Variants in FAM78B observed in about 807,000 individuals in gnomAD.
FAM78B encodes the protein family with sequence similarity 78 member B.
In FAM78B, 10 loss-of-function variants were observed where a neutral mutation model predicts 20.0. That is an observed-to-expected ratio of 0.50 (90% CI 0.31 to 0.85). FAM78B has a LOEUF of 0.85. Ranked by LOEUF, FAM78B falls within the 40% of genes least tolerant of loss-of-function variation. FAM78B has a pLI of 0.05. For missense variants in FAM78B, 283 were observed against 345.0 expected, an observed-to-expected ratio of 0.82 and a Z score of 1.42; for synonymous variants, 135 against 132.8, an observed-to-expected ratio of 1.02 and a Z score of -0.12.
intron 1 of FAM78B, among the ~76,000 whole-genome samples, chr1:166,156,451 A>T (rs1393010153): frequency 5.3e-5 from 8 of 152,284 alleles, no homozygotes; most frequent in Admixed American, 4.6e-4. Context: ...CTCAGTATGG[A>T]GGGCACTGGG....
intron 1 of FAM78B, among the ~76,000 whole-genome samples, chr1:166,134,168 CT>C (rs904850037): frequency 3.3e-5 from 5 of 152,312 alleles, no homozygotes; most frequent in African/African-American, 1.2e-4. Flanking sequence ...CTACTTTATC[CT>C]TTTTGGAAAA....
chr1:166,109,498 A>G (rs950117524), intron 1 of FAM78B, among the ~76,000 whole-genome samples: 2 of 152,018 alleles, frequency 1.3e-5, no homozygotes, highest in Admixed American at 1.3e-4. Flanking sequence ...TAAATGAAAA[A>G]TCAAAAAACA....
At chr1:166,117,376 T>A (rs973045805) in intron 1 of FAM78B, among the ~76,000 whole-genome samples, 2 of 152,188 alleles carry the variant, frequency 1.3e-5, no homozygotes, top group Non-Finnish European at 2.9e-5. Context: ...TATTATTATT[T>A]TTTTTTGTAA....
intron 1 of FAM78B, among the ~76,000 whole-genome samples, chr1:166,077,866 ATATATAAT>A (rs1480601070): frequency 8.7e-5 from 2 of 23,080 alleles, no homozygotes; most frequent in African/African-American, 1.9e-4. Context: ...TATAATTTAT[ATATATAAT>A]TATATATATA....
At chr1:166,094,003 C>CTGTGTGTG (rs58213930) in intron 1 of FAM78B, among the ~76,000 whole-genome samples, 1,280 of 125,492 alleles carry the variant, frequency 0.01, 22 homozygotes, top group African/African-American at 0.027. Context: ...TTGCGAATGA[C>CTGTGTGTG]TGTGTGTGTG....
chr1:166,113,504 T>C (rs977322603), intron 1 of FAM78B, among the ~76,000 whole-genome samples: 1 of 152,242 alleles, frequency 6.6e-6, no homozygotes, highest in African/African-American at 2.4e-5. Flanking sequence ...TTATTTTCAC[T>C]GGGGTGTGAA....
intron 1 of FAM78B, among the ~76,000 whole-genome samples, chr1:166,095,427 G>A (rs1000796843): frequency 3.3e-5 from 5 of 152,216 alleles, no homozygotes; most frequent in African/African-American, 9.6e-5. Flanking sequence ...CAGGAACCAG[G>A]ACAGGCAGAC....
chr1:166,165,998 C>T lies in FAM78B; in HGVS notation c.251G>A (p.Ser84Asn), dbSNP rs1375627711. The T allele has an allele frequency of 1.2e-6, 2 of 1,613,720 alleles. No homozygotes were observed. The highest frequency in any genetic ancestry group is 2.7e-5 in the African/African-American group (2 of 74,900). Residue 84 changes from serine to asparagine, a missense_variant, in exon 1 of 2, where the codon AGC (serine) becomes AAC (asparagine). Physicochemically the swap from Ser to Asn is conservative, Grantham distance 46. Transcript: ENST00000354422. Reference protein sequence around the residue: ...CNQMEFFNTYSDLGMSSWELP... With the variant: ...CNQMEFFNTYNDLGMSSWELP... ...GCGAGTCGCTTACATGCCCAGGTCG[C>T]TGTAGGTGTTGAAGAACTCCATCTG...
chr1:166,123,468 C>A (rs1451208012), intron 1 of FAM78B, among the ~76,000 whole-genome samples: 1 of 152,238 alleles, frequency 6.6e-6, no homozygotes, highest in Non-Finnish European at 1.5e-5. Flanking sequence ...CGTCTCCAAC[C>A]TAATTTATCC....
chr1:166,090,988 A>G (rs1230925352), intron 1 of FAM78B, among the ~76,000 whole-genome samples: 1 of 152,016 alleles, frequency 6.6e-6, no homozygotes, highest in African/African-American at 2.4e-5. Context: ...GGTGCGACTG[A>G]GGTTTGGGGA....
At chr1:166,152,376 C>G (rs769960311) in intron 1 of FAM78B, among the ~76,000 whole-genome samples, 1 of 152,172 alleles carries the variant, frequency 6.6e-6, no homozygotes, top group African/African-American at 2.4e-5. Flanking sequence ...CTGGTCTTGT[C>G]GTGAGAAACT....
intron 1 of FAM78B, among the ~76,000 whole-genome samples, chr1:166,076,102 C>T (rs574605232): frequency 6.6e-6 from 1 of 152,358 alleles, no homozygotes; most frequent in East Asian, 1.9e-4. Flanking sequence ...AATTACTCAA[C>T]TTTGCGTCCC....
chr1:166,148,592 T>C (rs965704794), intron 1 of FAM78B, among the ~76,000 whole-genome samples: 1 of 152,228 alleles, frequency 6.6e-6, no homozygotes. Flanking sequence ...GAATCAATGA[T>C]GAAAATCTGT....
intron 1 of FAM78B, among the ~76,000 whole-genome samples, chr1:166,157,768 TG>T (rs1655966637): frequency 6.6e-6 from 1 of 152,180 alleles, no homozygotes; most frequent in Non-Finnish European, 1.5e-5. Context: ...TCTGGGTGAC[TG>T]TCTGCTGGGG....
intron 1 of FAM78B, among the ~76,000 whole-genome samples, chr1:166,129,151 A>G (rs1654775213): frequency 6.6e-6 from 1 of 152,162 alleles, no homozygotes; most frequent in African/African-American, 2.4e-5. Flanking sequence ...AGCTGTGCCA[A>G]TTCAGTGCCC....
At chr1:166,147,396 G>C (rs148254296) in intron 1 of FAM78B, among the ~76,000 whole-genome samples, 1,839 of 152,280 alleles carry the variant, frequency 0.012, 19 homozygotes, top group Non-Finnish European at 0.015. Flanking sequence ...GCTCAGGCCA[G>C]ACCTTCTTGG....
At position 166,166,080 on chromosome 1, in the gene FAM78B, T is replaced by C. The variant is rs1219019175; in HGVS notation, c.169A>G (p.Met57Val). The C allele has an allele frequency of 6.2e-7, 1 of 1,613,770 alleles. No individual in the cohort carries two copies. Among genetic ancestry groups the C allele is most frequent in the Non-Finnish European group, 8.5e-7 (1 of 1,179,922 alleles). ...GTCTCGTGGCGGGGGATGGGGGGCA[T>C]GACCACGCGGGCGGAGGCTTTGAAG... is the stretch of plus-strand genomic sequence containing the variant. ...PYFKASARVVMPPIPRHETWV... is the reference protein window; with the variant it reads ...PYFKASARVVVPPIPRHETWV... The change falls in exon 1 of 2, where the codon ATG (methionine) becomes GTG (valine). Residue 57 changes from methionine to valine, a missense_variant. By Grantham distance (21) the Met-to-Val change is conservative. Transcript: ENST00000354422.
intron 1 of FAM78B, among the ~76,000 whole-genome samples, chr1:166,163,189 G>A (rs1172013500): frequency 6.6e-6 from 1 of 152,208 alleles, no homozygotes; most frequent in African/African-American, 2.4e-5. Flanking sequence ...AAGACTTGCA[G>A]CAGTCTGTTC....
chr1:166,126,450 A>T (rs943140946), intron 1 of FAM78B, among the ~76,000 whole-genome samples: 3 of 152,204 alleles, frequency 2.0e-5, no homozygotes, highest in African/African-American at 7.2e-5. Context: ...ATAGTAGAGC[A>T]GGTAAAAGAG....
Sources: allele counts gnomAD v4.1 joint callset (sites outside exome capture counted in the v4.1 genomes callset), GRCh38; gene constraint gnomAD v4.1.1; transcripts MANE v1.5; gene names NCBI Gene and HGNC (gene_info 2026-07-23, HGNC 2026-07-21).